Variants in BTAF1 observed in about 807,000 individuals in gnomAD.
BTAF1 encodes the protein B-TFIID TATA-box binding protein associated factor 1.
BTAF1 carries 38 observed loss-of-function variants against 227.1 expected under a neutral mutation model. That is an observed-to-expected ratio of 0.17 (90% confidence interval 0.13 to 0.22). The LOEUF is 0.22. Ranked by LOEUF, BTAF1 falls within the 10% of genes least tolerant of loss-of-function variation. The pLI, the probability that BTAF1 is intolerant of heterozygous loss-of-function variation, is 1.00. For synonymous variants in BTAF1, 742 were observed against 751.9 expected (o/e 0.99, Z 0.21); for missense variants, 1,598 against 2,204.0 (o/e 0.73, Z 5.51).
chr10:92,018,711 G>A (rs1809946254), intron 33 of BTAF1, 72 bp from the exon 34 acceptor site: 3 of 1,290,802 alleles, frequency 2.3e-6, no homozygotes, highest in Non-Finnish European at 3.1e-6. Flanking sequence ...ATAGCATAGG[G>A]AAAGATACAG....
chr10:91,973,075 G>C (rs1041254653), intron 14 of BTAF1, among the ~76,000 whole-genome samples: 2 of 152,108 alleles, frequency 1.3e-5, no homozygotes, highest in African/African-American at 4.8e-5. Flanking sequence ...CTTTTTCTGA[G>C]CTGCTTCCTT....
intron 28 of BTAF1, among the ~76,000 whole-genome samples, chr10:92,009,756 T>A (rs1395372181): frequency 6.6e-6 from 1 of 152,216 alleles, no homozygotes; most frequent in Non-Finnish European, 1.5e-5. Context: ...CTGCTTTAGC[T>A]GCCGCTGCAG....
At chr10:91,986,834 A>C (rs905218827) in intron 19 of BTAF1, among the ~76,000 whole-genome samples, 1 of 151,818 alleles carries the variant, frequency 6.6e-6, no homozygotes, top group African/African-American at 2.4e-5. Flanking sequence ...TCTCTGGGAG[A>C]GACTTTTTTT....
At chr10:91,937,096 G>C (rs1485360191) in intron 2 of BTAF1, among the ~76,000 whole-genome samples, 1 of 151,728 alleles carries the variant, frequency 6.6e-6, no homozygotes, top group Non-Finnish European at 1.5e-5. Context: ...CTGGGTTCAG[G>C]CGATTCTCCT....
intron 1 of BTAF1, among the ~76,000 whole-genome samples, chr10:91,932,674 C>A (rs565814745): frequency 6.6e-6 from 1 of 152,226 alleles, no homozygotes; most frequent in East Asian, 1.9e-4. Flanking sequence ...AGTAGCTGTT[C>A]AAGATGAGAA....
intron 1 of BTAF1, among the ~76,000 whole-genome samples, chr10:91,932,812 A>G (rs1018067049): frequency 1.6e-4 from 24 of 152,216 alleles, no homozygotes; most frequent in Non-Finnish European, 4.4e-5. Context: ...CAAAGAGAAA[A>G]ATACTTTATT....
At position 91,951,708 on chromosome 10, in the gene BTAF1, T is replaced by G; in HGVS notation, c.564+142T>G. 3 of 876,224 alleles carry G rather than the reference T, an allele frequency of 3.4e-6. No individual in the cohort carries two copies. In the East Asian group the frequency reaches 9.1e-5, roughly 27 times the overall value. The allele number at this position is 876,224 out of a possible 1,614,324, so 54.3% of individuals were successfully genotyped here. ...AGTGCCACCATAATTTAGCATCTTT[T>G]TTTAACTGGATTTCTGATGACAGAT... On this transcript the variant is annotated intron_variant, in intron 5 of 37. Coordinates refer to ENST00000265990, the MANE Select transcript of BTAF1 (RefSeq NM_003972.3).
At chr10:91,973,191 G>T (rs1184092599) in intron 14 of BTAF1, among the ~76,000 whole-genome samples, 3 of 151,962 alleles carry the variant, frequency 2.0e-5, no homozygotes, top group Non-Finnish European at 4.4e-5. Flanking sequence ...TATCACTGTT[G>T]TTACCCCTTC....
At chr10:91,994,430 C>A (rs1849002478) in intron 22 of BTAF1, 105 bp from the exon 23 acceptor site, 2 of 698,362 alleles carry the variant, frequency 2.9e-6, no homozygotes, top group Non-Finnish European at 4.7e-6. Flanking sequence ...CACTAAGAAG[C>A]AAAATTGACT....
intron 1 of BTAF1, among the ~76,000 whole-genome samples, chr10:91,931,956 G>A (rs950812942): frequency 6.6e-6 from 1 of 152,194 alleles, no homozygotes; most frequent in African/African-American, 2.4e-5. Context: ...AGTGGAAGAA[G>A]TAAGGATAAA....
rs747933841 is a variant in BTAF1 at position 91,989,525 on chromosome 10, A to G, written c.2799A>G (p.Leu933=). 4.3e-6 allele frequency: 7 copies of G among 1,613,428 alleles called. No individual in the cohort carries two copies. The African/African-American group carries it at 6.7e-5, about 15-fold the overall frequency. The change falls in exon 20 of 38, where the codon CTA becomes CTG. Residue 933 remains leucine (L), a synonymous_variant. Coordinates refer to ENST00000265990, the MANE Select transcript of BTAF1 (RefSeq NM_003972.3). The part of the protein sequence containing the change: ...LCSSLCVDPY[L]TPCVTCPVPT... ...GCTCACTTTGTGTGGACCCATATCT[A>G]ACTCCTTGTGTCACATGTCCAGTAC...
Position 91,942,702 on chromosome 10 carries a change from G to A in BTAF1, c.400+134G>A, listed in dbSNP as rs866064880. On this transcript the variant is annotated intron_variant, in intron 4 of 37. Coordinates refer to ENST00000265990, the MANE Select transcript of BTAF1 (RefSeq NM_003972.3). ...AAATTAACTGAAGTTTGCAGGTGGC[G>A]GGGGATGCTATGAATGGGAGGTAAC... 1.3e-5 allele frequency: 13 copies of A among 1,016,120 alleles called. 1 individual carries two copies. In the Middle Eastern group the frequency reaches 8.0e-4, roughly 62 times the overall value. The allele number at this position is 1,016,120 out of a possible 1,614,324, so 62.9% of individuals were successfully genotyped here.
intron 2 of BTAF1, among the ~76,000 whole-genome samples, chr10:91,937,556 G>A (rs746974668): frequency 6.6e-6 from 1 of 152,018 alleles, no homozygotes; most frequent in Non-Finnish European, 1.5e-5. Context: ...AAAATGAATT[G>A]TAATCTATTG....
At position 91,993,748 on chromosome 10, in the gene BTAF1, A is replaced by G. The variant is rs1406962282; in HGVS notation, c.3100A>G (p.Ile1034Val). Residue 1034 changes from isoleucine to valine, a missense_variant, in exon 22 of 38, where the codon ATA becomes GTA. Physicochemically the swap from Ile to Val is conservative, Grantham distance 29. Around this residue, in one of 10 missense-constraint regions of BTAF1, gnomAD observed 425 missense variants for 491.2 expected, o/e 0.87. Transcript: ENST00000265990. ...AGGAGCTGAATTTGCTTTGACAACT[A>G]TAGTAAAGCATTTTGGTGGTGAAAT... The part of the protein sequence containing the change: ...RRGAEFALTT[I>V]VKHFGGEMAV... 4 of 1,602,702 alleles carry G rather than the reference A, an allele frequency of 2.5e-6. No homozygotes were observed. The highest frequency in any genetic ancestry group is 3.3e-5 in the Admixed American group (2 of 59,752).
intron 20 of BTAF1, among the ~76,000 whole-genome samples, chr10:91,991,279 T>TATATTTATATATATATATATATAA (rs1848727453): frequency 1.0e-5 from 1 of 98,426 alleles, no homozygotes; most frequent in East Asian, 3.5e-4. Context: ...TAAATATATA[T>TATATTTATATATATATATATATAA]ATATATATAT....
At chr10:91,974,166 T>G (rs371272864) in intron 14 of BTAF1, among the ~76,000 whole-genome samples, 4 of 152,306 alleles carry the variant, frequency 2.6e-5, no homozygotes, top group East Asian at 3.9e-4. Context: ...CTAAAGTAAT[T>G]TTTCAAGGTC....
In BTAF1 at chr10:92,027,348, G is replaced by GTGAC. The variant is rs779007556; in HGVS notation, c.5406+51_5406+54dup. The stretch of plus-strand genomic sequence containing the variant: ...TGTATCTTTGAGTCACAGGCTTCCT[G>GTGAC]TGACTGCTAAGTTGAAAGTATTAAA... On this transcript the variant is annotated intron_variant, in intron 37 of 37. Coordinates refer to ENST00000265990, the MANE Select transcript of BTAF1 (RefSeq NM_003972.3). 7 of 1,516,688 alleles carry GTGAC rather than the reference G, an allele frequency of 4.6e-6. No homozygotes were observed. In the African/African-American group the frequency reaches 8.4e-5, roughly 18 times the overall value. The allele number at this position is 1,516,688 out of a possible 1,614,324, so 94.0% of individuals were successfully genotyped here.
chr10:92,019,677 C>A (rs1026247712), intron 34 of BTAF1, among the ~76,000 whole-genome samples: 3 of 152,126 alleles, frequency 2.0e-5, no homozygotes, highest in Non-Finnish European at 4.4e-5. Flanking sequence ...TTGTTGATTT[C>A]TTTTAATTAT....
chr10:91,942,521 T>A lies in BTAF1; in HGVS notation c.353T>A (p.Leu118His), dbSNP rs1366300626. 1.9e-6 allele frequency: 3 copies of A among 1,614,038 alleles called. No individual in the cohort carries two copies. The African/African-American group carries it at 4.0e-5, about 22-fold the overall frequency. ...ICRLLQHGASLLGSAGAEFEV... is the reference protein window; with the variant it reads ...ICRLLQHGASHLGSAGAEFEV... ...AGATTGTTACAACATGGTGCATCACTCCTGGGATCTGCTGGTGCCGAATTT... is the reference window on the plus strand; with the variant it reads ...AGATTGTTACAACATGGTGCATCACACCTGGGATCTGCTGGTGCCGAATTT... Residue 118 changes from leucine (L) to histidine (H), a missense_variant, in exon 4 of 38, where the codon CTC becomes CAC. Transcript: ENST00000265990.
Sources: gnomAD v4.1 joint callset for allele counts (sites outside exome capture counted in the v4.1 genomes callset) on GRCh38, gnomAD v4.1.1 for gene constraint, gnomAD v4.1.1 regional missense constraint, MANE v1.5 for transcripts, NCBI Gene and HGNC (gene_info 2026-07-23, HGNC 2026-07-21) for gene names.